MIPOL1: variants seen among roughly 807,000 people sequenced by gnomAD.
MIPOL1 encodes the protein mirror-image polydactyly gene 1 protein.
A neutral mutation model predicts 60.9 loss-of-function variants in MIPOL1; 57 were observed. The ratio of observed to expected loss-of-function variants is 0.94; its 90% CI spans 0.76 to 1.17. MIPOL1 has a LOEUF of 1.17. Among genes scored for constraint, MIPOL1 ranks in the 50% most tolerant of loss-of-function variants. The pLI, the probability that MIPOL1 is intolerant of heterozygous loss-of-function variation, is 0.00. For synonymous variants in MIPOL1, 179 were observed against 168.8 expected, an observed-to-expected ratio of 1.06 and a Z score of -0.47; for missense variants, 551 against 511.6, an observed-to-expected ratio of 1.08 and a Z score of -0.74.
intron 1 of MIPOL1, among the ~76,000 whole-genome samples, chr14:37,226,864 G>T (rs1282129362): frequency 1.3e-5 from 2 of 152,136 alleles, no homozygotes; most frequent in Non-Finnish European, 2.9e-5. Context: ...CTCCTTTCTG[G>T]GTAGTGTGAG....
chr14:37,475,087 C>T (rs2094749608), intron 11 of MIPOL1, among the ~76,000 whole-genome samples: 2 of 151,988 alleles, frequency 1.3e-5, no homozygotes, highest in Non-Finnish European at 2.9e-5. Context: ...GCCTCAGCGT[C>T]CTGAGTAGCT....
chr14:37,260,905 A>G (rs145811969), intron 3 of MIPOL1, among the ~76,000 whole-genome samples: 249 of 152,228 alleles, frequency 1.6e-3, no homozygotes, highest in African/African-American at 5.6e-3. Context: ...ATATGTAATT[A>G]ATAACAGATT....
chr14:37,269,412 T>A (rs1307092533), intron 5 of MIPOL1, among the ~76,000 whole-genome samples: 2 of 152,090 alleles, frequency 1.3e-5, no homozygotes, highest in Non-Finnish European at 2.9e-5. Context: ...TACATACTGC[T>A]CTGATTTTAA....
Position 37,409,605 on chromosome 14 carries a change from G to A in MIPOL1, c.937-13250G>A, listed in dbSNP as rs558836343. ...GATCAAGACCATTCTGGCCAACATG[G>A]TGAAACCCCGTCTCTTATAAAAATA... On this transcript the variant is annotated intron_variant, in intron 10 of 12. Coordinates refer to ENST00000684589, the MANE Select transcript of MIPOL1 (RefSeq NM_001388067.1). 6.6e-5 allele frequency among the ~76,000 whole-genome samples: 10 copies of A among 152,176 alleles called. No individual in the cohort carries two copies. The South Asian group carries it at 2.1e-3, about 32-fold the overall frequency.
At chr14:37,319,561 A>G (rs2088321511) in intron 9 of MIPOL1, among the ~76,000 whole-genome samples, 1 of 152,154 alleles carries the variant, frequency 6.6e-6, no homozygotes, top group African/African-American at 2.4e-5. Context: ...ACCAATGATT[A>G]TGGGAACCTA....
At chr14:37,366,835 T>G (rs2153492519) in intron 9 of MIPOL1, among the ~76,000 whole-genome samples, 1 of 152,220 alleles carries the variant, frequency 6.6e-6, no homozygotes, top group South Asian at 2.1e-4. Context: ...GATGCTCGAA[T>G]GTTGAGTGCA....
At chr14:37,483,601 C>T (rs1449897362) in intron 11 of MIPOL1, among the ~76,000 whole-genome samples, 1 of 151,954 alleles carries the variant, frequency 6.6e-6, no homozygotes, top group African/African-American at 2.4e-5. Flanking sequence ...TTATATGATC[C>T]AGCAATTTCA....
chr14:37,529,225 G>A (rs2095465865), intron 12 of MIPOL1, among the ~76,000 whole-genome samples: 1 of 152,106 alleles, frequency 6.6e-6, no homozygotes, highest in African/African-American at 2.4e-5. Flanking sequence ...AGTGGAAAAT[G>A]TAGACTAGTG....
At chr14:37,266,884 A>G in intron 3 of MIPOL1, 54 bp from the exon 4 acceptor site, 1 of 1,146,132 alleles carries the variant, frequency 8.7e-7, no homozygotes, top group Non-Finnish European at 1.3e-6. Flanking sequence ...GAATGATTTA[A>G]TATGCAGTTA....
At position 37,268,672 on chromosome 14, in the gene MIPOL1, G is replaced by C; in HGVS notation, c.266G>C (p.Arg89Thr). Residue 89 changes from arginine to threonine, a missense_variant, in exon 5 of 13, where the codon AGA (arginine) becomes ACA (threonine). Arg to Thr is a moderately conservative substitution (Grantham distance 71). Coordinates refer to ENST00000684589, the MANE Select transcript of MIPOL1 (RefSeq NM_001388067.1). ...CTTTATTACAGCGTTATGGAACATA[G>C]ACATAATGATATGCATTATGAATGT... ...TTEKYNVMEH[R>T]HNDMHYECMT... The C allele has an allele frequency of 6.3e-7, 1 of 1,589,420 alleles. No individual in the cohort carries two copies. The highest frequency in any genetic ancestry group is 8.6e-7 in the Non-Finnish European group (1 of 1,168,118).
intron 12 of MIPOL1, among the ~76,000 whole-genome samples, chr14:37,522,505 A>C (rs1411559815): frequency 6.6e-6 from 1 of 152,148 alleles, no homozygotes; most frequent in African/African-American, 2.4e-5. Context: ...TTTGCTCTGA[A>C]GTATGCTGCA....
At chr14:37,507,107 A>G (rs1360194548) in intron 12 of MIPOL1, 1 of 152,188 alleles carries the variant, frequency 6.6e-6, no homozygotes, top group African/African-American at 2.4e-5. Flanking sequence ...AATAAACAAC[A>G]GAAGCTGGAG....
At chr14:37,531,041 C>A (rs2095476018) in intron 12 of MIPOL1, among the ~76,000 whole-genome samples, 2 of 152,100 alleles carry the variant, frequency 1.3e-5, no homozygotes, top group African/African-American at 4.8e-5. Context: ...TGGCCTCAAA[C>A]TCCTGACCTC....
chr14:37,387,423 A>T (rs995370604), intron 10 of MIPOL1, among the ~76,000 whole-genome samples: 6 of 151,914 alleles, frequency 3.9e-5, no homozygotes, highest in Non-Finnish European at 2.9e-5. Flanking sequence ...TTCCATTTTC[A>T]TTATTTTCTG....
intron 10 of MIPOL1, among the ~76,000 whole-genome samples, chr14:37,408,101 G>T (rs2093623397): frequency 6.6e-6 from 1 of 151,458 alleles, no homozygotes. Flanking sequence ...TAAACTCCTG[G>T]CCTCAAATGG....
intron 12 of MIPOL1, chr14:37,505,182 A>T (rs1171590479): frequency 6.6e-6 from 1 of 152,236 alleles, no homozygotes; most frequent in Non-Finnish European, 1.5e-5. Flanking sequence ...TACAAAGAGG[A>T]GCTGGTACCA....
rs2095552931 is a variant in MIPOL1, at chr14:37,548,193, A to G, written c.*1222A>G. 1 of 151,994 alleles carries G rather than the reference A, an allele frequency of 6.6e-6. No individual in the cohort carries two copies. Among genetic ancestry groups the G allele is most frequent in the South Asian group, 2.1e-4 (1 of 4,828 alleles). 9.4% of individuals were successfully genotyped at this position (151,994 alleles called of 1,614,324 possible). ...TCTATACGTTTTTAATTCATCTTTA[A>G]GATTGAGCTAAATTATCTACCATTG... On this transcript the variant is annotated 3_prime_UTR_variant, in exon 13 of 13. Transcript: ENST00000684589.
At chr14:37,324,806 T>C (rs1488217411) in intron 9 of MIPOL1, among the ~76,000 whole-genome samples, 1 of 152,118 alleles carries the variant, frequency 6.6e-6, no homozygotes. Flanking sequence ...GAGAGATGAT[T>C]TTCCCCCATT....
chr14:37,310,038 C>T (rs886745866), intron 9 of MIPOL1, among the ~76,000 whole-genome samples: 1 of 151,990 alleles, frequency 6.6e-6, no homozygotes, highest in African/African-American at 2.4e-5. Context: ...TCTCAAACCC[C>T]TTATGTCCTT....
Sources: gnomAD v4.1 joint callset for allele counts (sites outside exome capture counted in the v4.1 genomes callset) on GRCh38, gnomAD v4.1.1 for gene constraint, MANE v1.5 for transcripts, NCBI Gene and HGNC (gene_info 2026-07-23, HGNC 2026-07-21) for gene names.